NKAIN3: variants seen among roughly 807,000 people sequenced by gnomAD.
NKAIN3 encodes the protein sodium/potassium-transporting ATPase subunit beta-1-interacting protein 3.
NKAIN3 carries 25 observed loss-of-function variants against 30.2 expected under a neutral mutation model. That is an observed-to-expected ratio of 0.83 (90% CI 0.60 to 1.16). NKAIN3 has a LOEUF of 1.16. NKAIN3 is among the 50% of genes most tolerant of loss of function. The pLI is 0.00. For synonymous variants in NKAIN3, 91 were observed against 89.6 expected, an observed-to-expected ratio of 1.02 and a Z score of -0.09; for missense variants, 225 against 254.1, an observed-to-expected ratio of 0.89 and a Z score of 0.78.
At chr8:62,938,330 T>C (rs10110565) in intron 5 of NKAIN3, among the ~76,000 whole-genome samples, 20,801 of 151,994 alleles carry the variant, frequency 0.14, 1,691 homozygotes, top group East Asian at 0.35. Context: ...AGAACATCAC[T>C]GCCCCAAGAA....
intron 1 of NKAIN3, among the ~76,000 whole-genome samples, chr8:62,428,454 A>G (rs1804886828): frequency 1.3e-5 from 2 of 152,088 alleles, no homozygotes; most frequent in South Asian, 2.1e-4. Flanking sequence ...AGTAATTTGT[A>G]TAATCTCCAA....
intron 1 of NKAIN3, among the ~76,000 whole-genome samples, chr8:62,374,113 CAAAAAAAAAAAAA>C (rs66521184): frequency 4.7e-5 from 3 of 64,348 alleles, no homozygotes; most frequent in East Asian, 3.0e-4. Flanking sequence ...ACTCCATCTC[CAAAAAAAAAAAAA>C]AAAAAAAAAA....
intron 1 of NKAIN3, among the ~76,000 whole-genome samples, chr8:62,461,191 G>C (rs181663776): frequency 3.0e-4 from 46 of 152,284 alleles, no homozygotes; most frequent in East Asian, 2.5e-3. Context: ...ACAGAAGATT[G>C]GTTAGGAATG....
intron 4 of NKAIN3, chr8:62,863,827 G>A: frequency 1.2e-6 from 2 of 1,611,036 alleles, no homozygotes; most frequent in South Asian, 2.2e-5. Context: ...GGCCATTGAA[G>A]AGGTCTGCAA....
chr8:62,727,921 G>C (rs779914390), intron 3 of NKAIN3, among the ~76,000 whole-genome samples: 1 of 152,098 alleles, frequency 6.6e-6, no homozygotes, highest in Non-Finnish European at 1.5e-5. Flanking sequence ...GTAAGTGTAC[G>C]GTTGGATGAG....
intron 4 of NKAIN3, among the ~76,000 whole-genome samples, chr8:62,750,456 CAGAA>C (rs1193211688): frequency 4.7e-4 from 71 of 152,296 alleles, no homozygotes; most frequent in South Asian, 2.1e-4. Context: ...TAACTGGACT[CAGAA>C]AGGCGAAGAC....
chr8:62,961,217 T>G (rs536223819), intron 6 of NKAIN3, among the ~76,000 whole-genome samples: 1 of 151,606 alleles, frequency 6.6e-6, no homozygotes, highest in East Asian at 1.9e-4. Context: ...GAGGCAGAGG[T>G]TTCAGTGAGC....
intron 3 of NKAIN3, among the ~76,000 whole-genome samples, chr8:62,682,368 C>A (rs1813668900): frequency 1.3e-5 from 2 of 152,142 alleles, no homozygotes; most frequent in South Asian, 4.1e-4. Context: ...TCTGGTCTCA[C>A]AGGGGTCCTT....
chr8:62,601,240 T>C (rs1810974841), intron 3 of NKAIN3, among the ~76,000 whole-genome samples: 1 of 152,072 alleles, frequency 6.6e-6, no homozygotes, highest in Non-Finnish European at 1.5e-5. Flanking sequence ...CTAGTAAAGT[T>C]TTTAAGTCAT....
intron 1 of NKAIN3, among the ~76,000 whole-genome samples, chr8:62,290,993 C>CA (rs1813602284): frequency 6.6e-6 from 1 of 152,136 alleles, no homozygotes; most frequent in Non-Finnish European, 1.5e-5. Flanking sequence ...AGGAATTTAT[C>CA]AACTTCTTCT....
chr8:62,538,270 G>A (rs961806726), intron 1 of NKAIN3, among the ~76,000 whole-genome samples: 6 of 152,054 alleles, frequency 3.9e-5, no homozygotes, highest in African/African-American at 9.7e-5. Context: ...GACCTCTCAG[G>A]CTCAAGCAAT....
intron 1 of NKAIN3, among the ~76,000 whole-genome samples, chr8:62,521,076 C>A (rs1808140656): frequency 6.6e-6 from 1 of 151,846 alleles, no homozygotes; most frequent in Middle Eastern, 3.4e-3. Flanking sequence ...GAAAAAATTT[C>A]TCTCTATTCA....
intron 4 of NKAIN3, among the ~76,000 whole-genome samples, chr8:62,858,447 G>T (rs1820132107): frequency 6.6e-6 from 1 of 152,174 alleles, no homozygotes; most frequent in Admixed American, 6.5e-5. Flanking sequence ...CCACAAGCTG[G>T]ACTGGCTAAG....
intron 3 of NKAIN3, among the ~76,000 whole-genome samples, chr8:62,746,443 G>A (rs1816073221): frequency 1.3e-5 from 2 of 152,162 alleles, no homozygotes; most frequent in South Asian, 4.1e-4. Context: ...CATTGGTGGA[G>A]GCAATTATTC....
chr8:62,443,395 A>AT (rs997486116), intron 1 of NKAIN3, among the ~76,000 whole-genome samples: 1 of 151,164 alleles, frequency 6.6e-6, no homozygotes, highest in Non-Finnish European at 1.5e-5. Context: ...ATTTTATTTT[A>AT]TTTTTTGAGA....
At chr8:62,504,163 T>C (rs928675513) in intron 1 of NKAIN3, among the ~76,000 whole-genome samples, 52 of 152,240 alleles carry the variant, frequency 3.4e-4, no homozygotes, top group African/African-American at 1.2e-3. Flanking sequence ...GGTTGCATGC[T>C]CCTTATGAGA....
intron 5 of NKAIN3, among the ~76,000 whole-genome samples, chr8:62,926,667 G>A (rs558499645): frequency 6.6e-6 from 1 of 152,232 alleles, no homozygotes; most frequent in East Asian, 1.9e-4. Flanking sequence ...GTGACCGCCG[G>A]CGGCTTTTTC....
intron 4 of NKAIN3, among the ~76,000 whole-genome samples, chr8:62,822,150 C>T (rs1421227365): frequency 6.6e-6 from 1 of 152,006 alleles, no homozygotes; most frequent in African/African-American, 2.4e-5. Flanking sequence ...GAGCATATTG[C>T]CAAAAGGAAA....
intron 4 of NKAIN3, among the ~76,000 whole-genome samples, chr8:62,784,305 T>C (rs187178537): frequency 1.5e-4 from 22 of 151,208 alleles, no homozygotes; most frequent in Non-Finnish European, 2.4e-4. Flanking sequence ...AAAATAAAAA[T>C]AGAAAAACAA....
Sources: allele counts gnomAD v4.1 joint callset (sites outside exome capture counted in the v4.1 genomes callset), GRCh38; gene constraint gnomAD v4.1.1; transcripts MANE v1.5; gene names NCBI Gene and HGNC (gene_info 2026-07-23, HGNC 2026-07-21).